RYR3: variants seen among roughly 807,000 people sequenced by gnomAD.
RYR3 encodes the protein brain ryanodine receptor-calcium release channel.
In RYR3, 207 loss-of-function variants were observed where a neutral mutation model predicts 584.3. That is an observed-to-expected ratio of 0.35 (90% CI 0.32 to 0.40). The LOEUF is 0.40. Among genes scored for constraint, RYR3 ranks in the 10% least tolerant of loss-of-function variants. The pLI is 1.00. For missense variants in RYR3, 5,616 were observed against 6,089.2 expected (o/e 0.92, Z 2.59); for synonymous variants, 2,416 against 2,248.5 (o/e 1.07, Z -2.11).
chr15:33,773,281 G>A (rs1044695547), intron 63 of RYR3, among the ~76,000 whole-genome samples: 4 of 152,176 alleles, frequency 2.6e-5, no homozygotes, highest in African/African-American at 4.8e-5. Flanking sequence ...TCCCTGTGAA[G>A]CGATGTAATC....
At chr15:33,568,050 A>G (rs7172763) in intron 12 of RYR3, among the ~76,000 whole-genome samples, 99,744 of 152,030 alleles carry the variant, frequency 0.66, 33,687 homozygotes, top group Middle Eastern at 0.76. Flanking sequence ...GAGAACTGCT[A>G]TCCTGGGATG....
chr15:33,502,154 T>G (rs1009962663), intron 2 of RYR3, among the ~76,000 whole-genome samples: 2 of 152,178 alleles, frequency 1.3e-5, no homozygotes, highest in African/African-American at 4.8e-5. Context: ...GATTGTCCAT[T>G]ACTGGCTTAA....
Position 33,838,770 on chromosome 15 carries a change from C to T in RYR3, c.12790C>T (p.Leu4264=), listed in dbSNP as rs762908801. The change falls in exon 89 of 104, where the codon CTA becomes TTA. Residue 4264 remains leucine (L), a synonymous_variant. Transcript: ENST00000634891. ...GATGGAGCCAGGTATCACCACTGAA[C>T]TAGTACACTTCATAAAGGGGGAGAA... ...EVMEPGITTE[L]VHFIKGEKGD... The T allele has an allele frequency of 6.2e-7, 1 of 1,613,864 alleles. No homozygotes were observed. Among genetic ancestry groups the T allele is most frequent in the East Asian group, 2.2e-5 (1 of 44,882 alleles).
intron 38 of RYR3, among the ~76,000 whole-genome samples, chr15:33,694,323 C>T (rs1036744843): frequency 7.3e-5 from 11 of 151,714 alleles, no homozygotes; most frequent in Admixed American, 2.6e-4. Context: ...CAGCTCACTG[C>T]AAGCTCCGCC....
intron 8 of RYR3, among the ~76,000 whole-genome samples, chr15:33,544,993 C>G (rs1264979847): frequency 3.3e-5 from 5 of 152,066 alleles, no homozygotes; most frequent in Non-Finnish European, 7.4e-5. Context: ...ATACAATAGC[C>G]CATTTACTGT....
At chr15:33,471,539 AAG>A (rs2048929991) in intron 1 of RYR3, among the ~76,000 whole-genome samples, 1 of 151,866 alleles carries the variant, frequency 6.6e-6, no homozygotes, top group African/African-American at 2.4e-5. Context: ...AGATCTTGAA[AAG>A]AGAACCTCAG....
chr15:33,592,783 C>G (rs984182489), intron 16 of RYR3, among the ~76,000 whole-genome samples: 1 of 152,174 alleles, frequency 6.6e-6, no homozygotes, highest in African/African-American at 2.4e-5. Context: ...TTCAAAGAAC[C>G]TGTGAACCCA....
intron 1 of RYR3, among the ~76,000 whole-genome samples, chr15:33,434,819 T>G (rs1478673373): frequency 1.3e-5 from 2 of 152,104 alleles, no homozygotes; most frequent in African/African-American, 2.4e-5. Flanking sequence ...ATTTACATTT[T>G]TTGTTGTTGT....
At chr15:33,857,374 CCTT>C (rs2079799306) in intron 98 of RYR3, among the ~76,000 whole-genome samples, 1 of 151,710 alleles carries the variant, frequency 6.6e-6, no homozygotes, top group South Asian at 2.1e-4. Context: ...GTCTCCAACT[CCTT>C]TTCTTCTAAG....
At chr15:33,830,725 C>T (rs2077627275) in intron 85 of RYR3, 2 of 365,690 alleles carry the variant, frequency 5.5e-6, no homozygotes, top group South Asian at 1.4e-4. Context: ...ATTTCATAGT[C>T]TCCAAGTTCC....
At chr15:33,507,544 A>G (rs755135505) in intron 3 of RYR3, among the ~76,000 whole-genome samples, 11 of 152,198 alleles carry the variant, frequency 7.2e-5, no homozygotes, top group Non-Finnish European at 1.5e-4. Flanking sequence ...AATTCCTGCA[A>G]TCAAATATTA....
chr15:33,797,167 C>T lies in RYR3; in HGVS notation c.9831-3603C>T, dbSNP rs1037023079. On this transcript the variant is annotated intron_variant, in intron 67 of 103. Coordinates refer to ENST00000634891, the MANE Select transcript of RYR3 (RefSeq NM_001036.6). ...AGGACAATGTGCCTTATTTGAGTGA[C>T]GTGCCATCTCCTCCATATGGCAGAA... 6.6e-5 allele frequency among the ~76,000 whole-genome samples: 10 copies of T among 152,230 alleles called. 1 individual carries two copies. The highest frequency in any genetic ancestry group is 5.8e-4 in the East Asian group (3 of 5,170).
intron 67 of RYR3, among the ~76,000 whole-genome samples, chr15:33,798,662 T>C (rs1378945946): frequency 3.3e-5 from 5 of 152,240 alleles, no homozygotes; most frequent in Admixed American, 2.0e-4. Flanking sequence ...TAATGTGATC[T>C]TTAGCAGGGC....
intron 3 of RYR3, among the ~76,000 whole-genome samples, chr15:33,516,380 G>A (rs143908293): frequency 6.8e-6 from 1 of 147,804 alleles, no homozygotes; most frequent in Non-Finnish European, 1.5e-5. Context: ...ATCTCACTCC[G>A]TCACCCTGGC....
intron 3 of RYR3, among the ~76,000 whole-genome samples, chr15:33,518,187 T>A (rs1209888838): frequency 6.6e-6 from 1 of 152,234 alleles, no homozygotes; most frequent in Non-Finnish European, 1.5e-5. Context: ...TTAGATAACA[T>A]GCTTCCTTCT....
intron 1 of RYR3, among the ~76,000 whole-genome samples, chr15:33,384,928 G>A (rs1000552516): frequency 2.0e-5 from 3 of 152,020 alleles, no homozygotes; most frequent in African/African-American, 7.2e-5. Context: ...ACACTATAGC[G>A]GAAGCATTTA....
At chr15:33,464,507 T>C (rs60973899) in intron 1 of RYR3, among the ~76,000 whole-genome samples, 54,109 of 119,910 alleles carry the variant, frequency 0.45, 13,848 homozygotes, top group African/African-American at 0.67. Context: ...TATATATACA[T>C]ACACATACAC....
At chr15:33,450,087 T>TAAAAAAAAA (rs10647466) in intron 1 of RYR3, among the ~76,000 whole-genome samples, 689 of 67,276 alleles carry the variant, frequency 0.01, 121 homozygotes, top group African/African-American at 0.015. Flanking sequence ...CATTAATACC[T>TAAAAAAAAA]AAAAAAAAAA....
In RYR3 at chr15:33,848,370, C is replaced by T; in HGVS notation, c.13577C>T (p.Pro4526Leu). 6.2e-7 allele frequency: 1 copy of T among 1,613,730 alleles called. No individual in the cohort carries two copies. The highest frequency in any genetic ancestry group is 2.2e-5 in the East Asian group (1 of 44,886). The change falls in exon 94 of 104, where the codon CCA becomes CTA. Residue 4526 changes from proline to leucine, a missense_variant. Physicochemically the swap from Pro to Leu is moderately conservative, Grantham distance 98. Transcript: ENST00000634891. ...EFDGLYITEQ[P>L]SEDDIKGQWD... ...GATGGCCTATATATCACCGAACAGCCATCTGAAGATGACATCAAGGGGCAG... is the reference window on the plus strand; with the variant it reads ...GATGGCCTATATATCACCGAACAGCTATCTGAAGATGACATCAAGGGGCAG...
Sources: allele counts gnomAD v4.1 joint callset (sites outside exome capture counted in the v4.1 genomes callset), GRCh38; gene constraint gnomAD v4.1.1; transcripts MANE v1.5; gene names NCBI Gene and HGNC (gene_info 2026-07-23, HGNC 2026-07-21).